The following KAZN variants were observed in gnomAD, a reference collection of about 807,000 sequenced individuals.
The protein encoded by KAZN is kazrin.
KAZN carries 40 observed loss-of-function variants against 87.4 expected under a neutral mutation model. The ratio of observed to expected loss-of-function variants is 0.46; its 90% confidence interval spans 0.36 to 0.60. The LOEUF is 0.60. KAZN is among the 20% of genes least tolerant of loss of function. KAZN has a pLI of 0.00. For missense variants in KAZN, 898 were observed against 1,073.9 expected (o/e 0.84, Z 2.29); for synonymous variants, 466 against 458.3 (o/e 1.02, Z -0.22).
intron 1 of KAZN, among the ~76,000 whole-genome samples, chr1:14,816,985 CTG>C (rs1322564431): frequency 1.3e-5 from 2 of 152,184 alleles, no homozygotes; most frequent in South Asian, 4.1e-4. Context: ...AGAAGGGAAA[CTG>C]AGGTTTAGAG....
chr1:14,408,483 T>C (rs767005747), intron 2 of KAZN, among the ~76,000 whole-genome samples: 13 of 152,106 alleles, frequency 8.5e-5, no homozygotes, highest in Non-Finnish European at 1.6e-4. Context: ...ACAACAGACA[T>C]TTATTTTCTC....
chr1:14,171,444 C>T (rs577018887), intron 1 of KAZN, among the ~76,000 whole-genome samples: 42 of 152,258 alleles, frequency 2.8e-4, no homozygotes, highest in African/African-American at 9.6e-4. Context: ...ACATCCTTGC[C>T]TCCAGCATCA....
intron 1 of KAZN, among the ~76,000 whole-genome samples, chr1:14,104,736 T>C (rs958056454): frequency 6.6e-6 from 1 of 152,180 alleles, no homozygotes; most frequent in African/African-American, 2.4e-5. Flanking sequence ...TTTGTACCCT[T>C]ATCATTTTTC....
intron 1 of KAZN, among the ~76,000 whole-genome samples, chr1:14,785,869 G>C (rs1645496280): frequency 6.6e-6 from 1 of 152,194 alleles, no homozygotes; most frequent in Non-Finnish European, 1.5e-5. Context: ...GGCACGTGAG[G>C]AGGTGGAAGG....
At chr1:14,592,640 G>A (rs940115975) in intron 2 of KAZN, among the ~76,000 whole-genome samples, 13 of 152,328 alleles carry the variant, frequency 8.5e-5, no homozygotes, top group Admixed American at 2.0e-4. Context: ...AAGGGACACC[G>A]TTTGCAGGAA....
At chr1:13,945,416 G>A (rs1355185051) in intron 1 of KAZN, among the ~76,000 whole-genome samples, 1 of 149,924 alleles carries the variant, frequency 6.7e-6, no homozygotes, top group African/African-American at 2.5e-5. Context: ...GGAGGTTGCA[G>A]TGAGCTGAGA....
chr1:14,841,349 T>C (rs1324510448), intron 1 of KAZN, among the ~76,000 whole-genome samples: 1 of 133,014 alleles, frequency 7.5e-6, no homozygotes, highest in Non-Finnish European at 1.5e-5. Context: ...GAGCTTGCAG[T>C]GAGCCGAGAT....
At chr1:14,080,162 C>T (rs923451515) in intron 1 of KAZN, among the ~76,000 whole-genome samples, 4 of 152,202 alleles carry the variant, frequency 2.6e-5, no homozygotes, top group Non-Finnish European at 5.9e-5. Context: ...GACAGATTGA[C>T]AAGAGGAAAA....
intron 2 of KAZN, among the ~76,000 whole-genome samples, chr1:15,023,727 A>G (rs537548721): frequency 2.0e-5 from 3 of 151,722 alleles, no homozygotes; most frequent in African/African-American, 7.3e-5. Flanking sequence ...GAAGGGTTGG[A>G]AAACCAGTTA....
At chr1:15,112,341 GTGTGT>G (rs1641663999) in intron 13 of KAZN, 81 bp from the exon 14 acceptor site, 1 of 165,786 alleles carries the variant, frequency 6.0e-6, no homozygotes, top group South Asian at 6.6e-5. Flanking sequence ...GTGTGTGTGT[GTGTGT>G]GTGTGTGTGT....
Position 13,917,756 on chromosome 1 carries a change from G to A in KAZN, c.91+24000G>A, listed in dbSNP as rs183006869. 9.9e-4 allele frequency among the ~76,000 whole-genome samples: 131 copies of A among 132,734 alleles called. No individual in the cohort carries two copies. The East Asian group carries it at 0.024, about 24-fold the overall frequency. The allele number at this position is 132,734 out of a possible 152,430, so 87.1% of individuals were successfully genotyped here. A position where few individuals can be genotyped will look rare whatever the true frequency, so the allele number is the denominator to read the frequency against. Reference sequence around the variant, plus strand: ...AGGCTACAGTGAGCTGTGTTTACACGACAGCACTCCAGCCTGGTGACAGAG... The same window carrying A: ...AGGCTACAGTGAGCTGTGTTTACACAACAGCACTCCAGCCTGGTGACAGAG... On this transcript the variant is annotated intron_variant, in intron 1 of 16. Coordinates refer to the KAZN transcript ENST00000636203.
At chr1:14,879,151 A>G (rs1347777814) in intron 1 of KAZN, among the ~76,000 whole-genome samples, 2 of 152,174 alleles carry the variant, frequency 1.3e-5, no homozygotes, top group Admixed American at 1.3e-4. Flanking sequence ...CTGTTCAAAT[A>G]CCAGCTGCGT....
chr1:14,656,737 G>A (rs911577422), intron 1 of KAZN, among the ~76,000 whole-genome samples: 13 of 152,184 alleles, frequency 8.5e-5, no homozygotes, highest in African/African-American at 2.9e-4. Context: ...ACCAGATCTC[G>A]TGAGAGCTCA....
intron 1 of KAZN, among the ~76,000 whole-genome samples, chr1:14,001,794 C>T (rs1570495772): frequency 6.6e-6 from 1 of 152,142 alleles, no homozygotes; most frequent in East Asian, 1.9e-4. Context: ...AACTGGCTAG[C>T]CATATGCAGA....
At chr1:13,981,089 T>TCTCTCTATATATATATATATATATATATA (rs1553181094) in intron 1 of KAZN, among the ~76,000 whole-genome samples, 1 of 63,134 alleles carries the variant, frequency 1.6e-5, no homozygotes, top group Non-Finnish European at 3.4e-5. Context: ...AAATTACTCT[T>TCTCTCTATATATATATATATATATATATA]TATATATATA....
chr1:14,405,382 G>A (rs1663754224), intron 2 of KAZN, among the ~76,000 whole-genome samples: 1 of 152,164 alleles, frequency 6.6e-6, no homozygotes, highest in Non-Finnish European at 1.5e-5. Flanking sequence ...AGGAAAGCCT[G>A]TACATTGATT....
chr1:14,621,125 C>CA (rs924779297), intron 1 of KAZN, among the ~76,000 whole-genome samples: 2 of 152,140 alleles, frequency 1.3e-5, no homozygotes, highest in African/African-American at 2.4e-5. Context: ...GAATGGAGGC[C>CA]AAATCCTTCA....
At chr1:14,538,666 G>A (rs1292435258) in intron 2 of KAZN, among the ~76,000 whole-genome samples, 1 of 152,192 alleles carries the variant, frequency 6.6e-6, no homozygotes, top group Non-Finnish European at 1.5e-5. Context: ...AAATTATGGA[G>A]AAGACACATT....
chr1:14,583,698 T>C (rs1297997483), intron 2 of KAZN, among the ~76,000 whole-genome samples: 1 of 152,200 alleles, frequency 6.6e-6, no homozygotes, highest in Admixed American at 6.5e-5. Flanking sequence ...TAGTGGCTGA[T>C]ATTCCTGGTC....
Sources: allele counts gnomAD v4.1 joint callset (sites outside exome capture counted in the v4.1 genomes callset), GRCh38; gene constraint gnomAD v4.1.1; transcripts MANE v1.5; gene names NCBI Gene and HGNC (gene_info 2026-07-23, HGNC 2026-07-21).